The following CNTNAP2 variants were observed in gnomAD, a reference collection of about 807,000 sequenced individuals.
CNTNAP2 encodes contactin associated protein 2.
A neutral mutation model predicts 155.2 loss-of-function variants in CNTNAP2; 98 were observed. The observed-to-expected ratio is 0.63, with a 90% confidence interval of 0.54 to 0.75. CNTNAP2 has a LOEUF of 0.75. CNTNAP2 is among the 30% of genes least tolerant of loss of function. The probability of loss-of-function intolerance (pLI) is 0.00; values close to 1 mark genes in which losing one functional copy is unlikely to be tolerated. For synonymous variants in CNTNAP2, 651 were observed against 631.2 expected (o/e 1.03, Z -0.47); for missense variants, 1,727 against 1,688.1 (o/e 1.02, Z -0.40).
Position 146,851,717 on chromosome 7 carries a change from C to T in CNTNAP2, c.402+11813C>T, listed in dbSNP as rs1585122399. ...GTGTGTGTGTTTTGATGGTATTGCT[C>T]TGTCACCCAGGCTAGAGTGCAGTGA... is the stretch of plus-strand genomic sequence containing the variant. On this transcript the variant is annotated intron_variant, in intron 3 of 23. Coordinates refer to ENST00000361727, the MANE Select transcript of CNTNAP2 (RefSeq NM_014141.6). Among the ~76,000 whole-genome samples, 3 of 150,768 alleles carry T rather than the reference C, an allele frequency of 2.0e-5. No individual in the cohort carries two copies. The East Asian group carries it at 5.9e-4, about 30-fold the overall frequency.
chr7:146,464,234 C>A (rs2129125413), intron 1 of CNTNAP2, among the ~76,000 whole-genome samples: 1 of 116,080 alleles, frequency 8.6e-6, no homozygotes, highest in Admixed American at 9.5e-5. Flanking sequence ...CTCCAAACAA[C>A]AAACAAATGA....
chr7:147,999,313 T>G (rs1283082968), intron 15 of CNTNAP2, among the ~76,000 whole-genome samples: 1 of 152,114 alleles, frequency 6.6e-6, no homozygotes, highest in Non-Finnish European at 1.5e-5. Context: ...TGACCTCAGG[T>G]GATCCGCCCA....
intron 5 of CNTNAP2, among the ~76,000 whole-genome samples, chr7:147,119,547 C>G (rs1486860829): frequency 6.6e-6 from 1 of 152,160 alleles, no homozygotes; most frequent in Non-Finnish European, 1.5e-5. Context: ...CTCTCTCTTC[C>G]TCTTCCTCCT....
chr7:147,071,935 A>C (rs565010886), intron 4 of CNTNAP2, among the ~76,000 whole-genome samples: 61 of 152,310 alleles, frequency 4.0e-4, no homozygotes, highest in Non-Finnish European at 5.7e-4. Context: ...TGCCCAGGGT[A>C]TCATGATGAA....
chr7:147,857,857 C>G (rs998959870), intron 13 of CNTNAP2, among the ~76,000 whole-genome samples: 2 of 152,158 alleles, frequency 1.3e-5, no homozygotes, highest in Admixed American at 6.5e-5. Context: ...TGATTTGCCT[C>G]GGCTGCAAGT....
At chr7:148,296,258 G>A (rs1349197356) in intron 21 of CNTNAP2, among the ~76,000 whole-genome samples, 1 of 151,976 alleles carries the variant, frequency 6.6e-6, no homozygotes, top group Non-Finnish European at 1.5e-5. Flanking sequence ...ATTATCCTGT[G>A]AAATTGGCTA....
intron 1 of CNTNAP2, among the ~76,000 whole-genome samples, chr7:146,481,005 A>AATT (rs775028022): frequency 3.3e-5 from 5 of 150,174 alleles, no homozygotes; most frequent in African/African-American, 1.2e-4. Flanking sequence ...ATTAATGAAA[A>AATT]TTTTTTTTTT....
At chr7:146,886,168 G>A (rs1197118377) in intron 3 of CNTNAP2, among the ~76,000 whole-genome samples, 2 of 151,366 alleles carry the variant, frequency 1.3e-5, no homozygotes, top group African/African-American at 4.9e-5. Flanking sequence ...AGAGCTGGAG[G>A]AATGTTTTTT....
chr7:147,365,797 C>T (rs1796219865), intron 9 of CNTNAP2, among the ~76,000 whole-genome samples: 1 of 152,108 alleles, frequency 6.6e-6, no homozygotes, highest in African/African-American at 2.4e-5. Flanking sequence ...CCCATTGCTT[C>T]TAGAATCTCA....
intron 1 of CNTNAP2, among the ~76,000 whole-genome samples, chr7:146,538,607 C>T (rs914393434): frequency 2.6e-5 from 4 of 151,992 alleles, no homozygotes; most frequent in South Asian, 2.1e-4. Context: ...ACTTCTCCTA[C>T]GGGAGGTCTC....
At chr7:147,119,976 AAT>A (rs1801069750) in intron 5 of CNTNAP2, among the ~76,000 whole-genome samples, 1 of 152,230 alleles carries the variant, frequency 6.6e-6, no homozygotes. Context: ...GACCTTAATA[AAT>A]ATGTTAGATT....
chr7:147,814,863 TGG>T (rs1798240811), intron 13 of CNTNAP2, among the ~76,000 whole-genome samples: 1 of 152,198 alleles, frequency 6.6e-6, no homozygotes, highest in Non-Finnish European at 1.5e-5. Flanking sequence ...AAACAATTAT[TGG>T]GTTCCTGGGG....
chr7:147,862,173 A>G (rs1380699221), intron 13 of CNTNAP2, among the ~76,000 whole-genome samples: 1 of 152,158 alleles, frequency 6.6e-6, no homozygotes, highest in Non-Finnish European at 1.5e-5. Context: ...TCCATCATCA[A>G]AAAAGATAAT....
intron 8 of CNTNAP2, among the ~76,000 whole-genome samples, chr7:147,225,935 G>A (rs1584803918): frequency 6.7e-6 from 1 of 149,074 alleles, no homozygotes; most frequent in East Asian, 2.0e-4. Flanking sequence ...AGGAAGGAAA[G>A]AAGGAAGGAA....
intron 8 of CNTNAP2, among the ~76,000 whole-genome samples, chr7:147,195,404 C>A (rs983096959): frequency 1.3e-5 from 2 of 151,850 alleles, no homozygotes; most frequent in African/African-American, 4.8e-5. Context: ...GGCTCTATGG[C>A]GTCTTCTTTG....
At position 147,486,022 on chromosome 7, in the gene CNTNAP2, T is replaced by C. The variant is rs752095120; in HGVS notation, c.1758T>C (p.Ser586=). ...FKCTCDETGY[S]GATCHNSIYE... The stretch of plus-strand genomic sequence containing the variant: ...GCACTTGTGATGAGACAGGATACAG[T>C]GGGGCCACCTGCCACAACTGTGAGT... Residue 586 remains serine (S), a synonymous_variant, in exon 11 of 24, where the codon AGT becomes AGC. Transcript: ENST00000361727. The C allele has an allele frequency of 1.9e-6, 3 of 1,613,010 alleles. No individual in the cohort carries two copies. Among genetic ancestry groups the C allele is most frequent in the Non-Finnish European group, 1.7e-6 (2 of 1,179,626 alleles).
At chr7:148,037,580 C>T (rs1429874477) in intron 15 of CNTNAP2, among the ~76,000 whole-genome samples, 1 of 152,210 alleles carries the variant, frequency 6.6e-6, no homozygotes, top group Non-Finnish European at 1.5e-5. Context: ...AGTAGTCCCC[C>T]CTTGTCCGTG....
intron 1 of CNTNAP2, among the ~76,000 whole-genome samples, chr7:146,339,145 C>G (rs1360349095): frequency 6.6e-6 from 1 of 152,102 alleles, no homozygotes; most frequent in African/African-American, 2.4e-5. Context: ...CATTATCTCT[C>G]TCTTCTTCAA....
intron 10 of CNTNAP2, among the ~76,000 whole-genome samples, chr7:147,438,730 T>C (rs987187388): frequency 2.0e-5 from 3 of 152,074 alleles, no homozygotes; most frequent in African/African-American, 7.2e-5. Flanking sequence ...GGGCTTTTTT[T>C]ACTGGGAGAC....
Sources: allele counts gnomAD v4.1 joint callset (sites outside exome capture counted in the v4.1 genomes callset), GRCh38; gene constraint gnomAD v4.1.1; transcripts MANE v1.5; gene names NCBI Gene and HGNC (gene_info 2026-07-23, HGNC 2026-07-21).